The following CHRM3 variants were observed in gnomAD, a reference collection of about 807,000 sequenced individuals.
CHRM3 encodes the protein cholinergic receptor muscarinic 3.
CHRM3 carries 11 observed loss-of-function variants against 41.8 expected under a neutral mutation model. The observed-to-expected ratio is 0.26, with a 90% CI of 0.17 to 0.44. CHRM3 has a LOEUF of 0.44. CHRM3 is among the 20% of genes least tolerant of loss of function. The pLI, the probability that CHRM3 is intolerant of heterozygous loss-of-function variation, is 1.00. For synonymous variants in CHRM3, 297 were observed against 301.4 expected (o/e 0.99, Z 0.15); for missense variants, 571 against 745.4 (o/e 0.77, Z 2.72).
intron 2 of CHRM3, among the ~76,000 whole-genome samples, chr1:239,529,671 A>G (rs1292256613): frequency 6.6e-6 from 1 of 151,256 alleles, no homozygotes; most frequent in African/African-American, 2.4e-5. Flanking sequence ...AAGCCTTGTT[A>G]ATTATCTGTT....
intron 6 of CHRM3, chr1:239,886,548 G>GT (rs1447161501): frequency 2.0e-5 from 3 of 152,148 alleles, no homozygotes; most frequent in Non-Finnish European, 2.9e-5. Flanking sequence ...CATGGAGAGC[G>GT]TAACATCTGG....
chr1:239,714,106 A>G (rs1239000386), intron 5 of CHRM3: 3 of 152,094 alleles, frequency 2.0e-5, no homozygotes, highest in Admixed American at 1.3e-4. Context: ...CCAGCCTTCT[A>G]TTAGTTTTCC....
At chr1:239,799,499 T>TA (rs1418464753) in intron 5 of CHRM3, among the ~76,000 whole-genome samples, 3 of 152,112 alleles carry the variant, frequency 2.0e-5, no homozygotes, top group Non-Finnish European at 2.9e-5. Flanking sequence ...TCCCTCCACC[T>TA]ACCCTCCCAG....
chr1:239,406,188 C>A (rs1289195366), intron 1 of CHRM3, among the ~76,000 whole-genome samples: 1 of 152,136 alleles, frequency 6.6e-6, no homozygotes, highest in Non-Finnish European at 1.5e-5. Flanking sequence ...CCGTGCCTGG[C>A]TGAAGTTCTT....
intron 5 of CHRM3, among the ~76,000 whole-genome samples, chr1:239,765,818 C>CTT (rs1340202928): frequency 7.8e-5 from 11 of 140,322 alleles, no homozygotes; most frequent in African/African-American, 1.8e-4. Flanking sequence ...TCTTTTTTAT[C>CTT]TTTTTTTTTT....
At chr1:239,558,312 A>G (rs1292039955) in intron 3 of CHRM3, among the ~76,000 whole-genome samples, 1 of 152,056 alleles carries the variant, frequency 6.6e-6, no homozygotes, top group Non-Finnish European at 1.5e-5. Context: ...TCCTTTGTCC[A>G]CTTTTTAATG....
rs1331636528 is a variant in CHRM3, at chr1:239,523,544, C to T, written c.-421-22097C>T. ...AAAAATGAAATCTGAATCCATTGTC[C>T]CCAGTGTGTAAAAATGTTTTACGTT... On this transcript the variant is annotated intron_variant, in intron 2 of 6. Transcript: ENST00000676153. 2.6e-5 allele frequency among the ~76,000 whole-genome samples: 4 copies of T among 151,992 alleles called. No individual in the cohort carries two copies. In the East Asian group the frequency reaches 5.8e-4, roughly 22 times the overall value.
chr1:239,794,241 A>G (rs1669575516), intron 5 of CHRM3, among the ~76,000 whole-genome samples: 1 of 152,226 alleles, frequency 6.6e-6, no homozygotes, highest in Non-Finnish European at 1.5e-5. Flanking sequence ...TGGAGACAGT[A>G]CAGAGATCAC....
chr1:239,422,139 G>T (rs774666677), intron 1 of CHRM3, among the ~76,000 whole-genome samples: 1 of 152,088 alleles, frequency 6.6e-6, no homozygotes, highest in African/African-American at 2.4e-5. Flanking sequence ...ATATTTTACC[G>T]AATGCTTTTA....
chr1:239,510,074 A>C (rs1668821965), intron 2 of CHRM3, among the ~76,000 whole-genome samples: 1 of 152,168 alleles, frequency 6.6e-6, no homozygotes, highest in Admixed American at 6.5e-5. Flanking sequence ...GGGCAGCATA[A>C]GACTCCGTCA....
At chr1:239,558,036 T>C (rs529268194) in intron 3 of CHRM3, among the ~76,000 whole-genome samples, 2 of 152,320 alleles carry the variant, frequency 1.3e-5, no homozygotes, top group Non-Finnish European at 2.9e-5. Context: ...ATATTTCCAG[T>C]TCTTAATCTC....
chr1:239,829,060 T>A (rs1672695989), intron 6 of CHRM3, among the ~76,000 whole-genome samples: 2 of 152,226 alleles, frequency 1.3e-5, no homozygotes, highest in Admixed American at 1.3e-4. Flanking sequence ...TCCTTGACGT[T>A]GCTTTTGTTG....
chr1:239,513,065 T>C (rs924746459), intron 2 of CHRM3, among the ~76,000 whole-genome samples: 2 of 152,194 alleles, frequency 1.3e-5, no homozygotes, highest in Non-Finnish European at 2.9e-5. Flanking sequence ...GGTCATATTC[T>C]GACAACAAAA....
At chr1:239,835,429 T>C (rs1292049657) in intron 6 of CHRM3, among the ~76,000 whole-genome samples, 4 of 152,080 alleles carry the variant, frequency 2.6e-5, no homozygotes, top group Non-Finnish European at 5.9e-5. Flanking sequence ...GCAACGCAAA[T>C]TGGGGAGGAA....
chr1:239,615,899 A>G (rs563037635), intron 3 of CHRM3, among the ~76,000 whole-genome samples: 6 of 152,210 alleles, frequency 3.9e-5, no homozygotes, highest in Admixed American at 6.5e-5. Flanking sequence ...TCCACTTTCT[A>G]TATAACTTTT....
chr1:239,478,042 T>TTAAGAGCTCATAGCAA (rs1272513954), intron 1 of CHRM3, among the ~76,000 whole-genome samples: 1 of 152,230 alleles, frequency 6.6e-6, no homozygotes, highest in East Asian at 1.9e-4. Context: ...TCCAGTGACT[T>TTAAGAGCTCATAGCAA]TAAGAGCTCA....
At chr1:239,783,226 T>C (rs1316340847) in intron 5 of CHRM3, among the ~76,000 whole-genome samples, 1 of 151,918 alleles carries the variant, frequency 6.6e-6, no homozygotes, top group Non-Finnish European at 1.5e-5. Flanking sequence ...TTCACCTGTT[T>C]CTTTTTTAAT....
At chr1:239,622,887 T>C (rs761895292) in intron 3 of CHRM3, among the ~76,000 whole-genome samples, 4 of 152,296 alleles carry the variant, frequency 2.6e-5, no homozygotes, top group Admixed American at 6.5e-5. Context: ...GAGGATGTGA[T>C]GTATAGCATC....
intron 1 of CHRM3, among the ~76,000 whole-genome samples, chr1:239,444,445 A>T (rs184971716): frequency 6.6e-6 from 1 of 152,298 alleles, no homozygotes; most frequent in African/African-American, 2.4e-5. Flanking sequence ...AATACTAGGG[A>T]TTTATTAAAG....
Sources: gnomAD v4.1 joint callset for allele counts (sites outside exome capture counted in the v4.1 genomes callset) on GRCh38, gnomAD v4.1.1 for gene constraint, MANE v1.5 for transcripts, NCBI Gene and HGNC (gene_info 2026-07-23, HGNC 2026-07-21) for gene names.